The following FARP1 variants were observed in gnomAD, a reference collection of about 807,000 sequenced individuals.
The protein encoded by FARP1 is FERM, ARH/RhoGEF and pleckstrin domain protein 1.
FARP1 carries 52 observed loss-of-function variants against 128.8 expected under a neutral mutation model. The observed-to-expected ratio is 0.40, with a 90% CI of 0.32 to 0.51. FARP1 has a LOEUF of 0.51. Among genes scored for constraint, FARP1 ranks in the 20% least tolerant of loss-of-function variants. The probability of loss-of-function intolerance (pLI) is 0.45; values close to 1 mark genes in which losing one functional copy is unlikely to be tolerated. For synonymous variants in FARP1, 580 were observed against 551.8 expected (o/e 1.05, Z -0.72); for missense variants, 1,333 against 1,367.9 (o/e 0.97, Z 0.40).
At chr13:98,438,740 A>C (rs1329412550) in intron 19 of FARP1, 64 bp from the exon 20 acceptor site, 3 of 1,367,428 alleles carry the variant, frequency 2.2e-6, no homozygotes, top group Non-Finnish European at 3.1e-6. Context: ...GGGTCTGCAC[A>C]CTGGCCGTCA....
chr13:98,251,028 T>C (rs1364480381), intron 2 of FARP1, among the ~76,000 whole-genome samples: 1 of 152,216 alleles, frequency 6.6e-6, no homozygotes, highest in Non-Finnish European at 1.5e-5. Context: ...AGGGACTTCA[T>C]AGATGTTTAT....
At chr13:98,326,658 G>T (rs901506206) in intron 2 of FARP1, among the ~76,000 whole-genome samples, 3 of 152,190 alleles carry the variant, frequency 2.0e-5, no homozygotes, top group Non-Finnish European at 4.4e-5. Context: ...AGAGTACCTG[G>T]TACGTGCCCA....
chr13:98,319,962 A>C (rs1286724205), intron 2 of FARP1, among the ~76,000 whole-genome samples: 3 of 152,214 alleles, frequency 2.0e-5, no homozygotes, highest in Non-Finnish European at 4.4e-5. Context: ...GAGGTAACTT[A>C]AGCAGAAAAA....
intron 5 of FARP1, 113 bp from the exon 6 acceptor site, chr13:98,377,708 C>A: frequency 1.4e-6 from 1 of 713,006 alleles, no homozygotes; most frequent in Non-Finnish European, 2.5e-6. Context: ...CCAGCCCATG[C>A]AGACTTCGTG....
chr13:98,441,082 G>C (rs1892504264), intron 24 of FARP1, among the ~76,000 whole-genome samples: 1 of 152,218 alleles, frequency 6.6e-6, no homozygotes, highest in African/African-American at 2.4e-5. Flanking sequence ...GTGCTCATCA[G>C]TCCTATTGCC....
At chr13:98,448,118 T>G in intron 26 of FARP1, 118 bp from the exon 27 acceptor site, 1 of 805,406 alleles carries the variant, frequency 1.2e-6, no homozygotes, top group Non-Finnish European at 2.1e-6. Flanking sequence ...TCTGCTGAAG[T>G]GGCAGATTAC....
intron 1 of FARP1, among the ~76,000 whole-genome samples, chr13:98,144,067 TTTTTTTA>T (rs148955796): frequency 6.6e-6 from 1 of 151,704 alleles, no homozygotes; most frequent in African/African-American, 2.4e-5. Context: ...AGGGCAAAGT[TTTTTTTA>T]TTTTTTATTT....
intron 1 of FARP1, among the ~76,000 whole-genome samples, chr13:98,166,978 C>T (rs1005277242): frequency 9.2e-5 from 14 of 152,174 alleles, no homozygotes; most frequent in African/African-American, 2.7e-4. Flanking sequence ...CTGCCTGCCT[C>T]GGCCTCCCAA....
At chr13:98,266,878 G>A (rs985218220) in intron 2 of FARP1, among the ~76,000 whole-genome samples, 1 of 152,002 alleles carries the variant, frequency 6.6e-6, no homozygotes, top group Non-Finnish European at 1.5e-5. Context: ...GCCGGGTGCG[G>A]TGGTGCACGT....
intron 3 of FARP1, among the ~76,000 whole-genome samples, chr13:98,344,630 C>T (rs1888104424): frequency 6.6e-6 from 1 of 152,150 alleles, no homozygotes; most frequent in Admixed American, 6.6e-5. Flanking sequence ...TCTGTCGAAG[C>T]TCTGAAACGG....
At chr13:98,204,376 A>G (rs1295566747) in intron 1 of FARP1, among the ~76,000 whole-genome samples, 1 of 152,182 alleles carries the variant, frequency 6.6e-6, no homozygotes, top group African/African-American at 2.4e-5. Context: ...TCCTATTATC[A>G]GTTTTAAAAC....
intron 1 of FARP1, among the ~76,000 whole-genome samples, chr13:98,145,664 C>T (rs567167650): frequency 1.3e-5 from 2 of 152,146 alleles, no homozygotes; most frequent in African/African-American, 4.8e-5. Context: ...ATCAGGATTT[C>T]CCAGCCTGGC....
intron 2 of FARP1, among the ~76,000 whole-genome samples, chr13:98,218,322 A>G (rs1881212603): frequency 6.6e-6 from 1 of 152,064 alleles, no homozygotes; most frequent in Non-Finnish European, 1.5e-5. Context: ...ACCTTGAATC[A>G]TGGTCTCTAA....
chr13:98,215,077 G>C (rs965835637), intron 2 of FARP1, among the ~76,000 whole-genome samples: 1 of 152,188 alleles, frequency 6.6e-6, no homozygotes, highest in Admixed American at 6.5e-5. Context: ...TCCAGGGATC[G>C]TTGGACTGTG....
chr13:98,326,320 C>T (rs1197613272), intron 2 of FARP1, among the ~76,000 whole-genome samples: 1 of 152,090 alleles, frequency 6.6e-6, no homozygotes, highest in African/African-American at 2.4e-5. Flanking sequence ...TTAAAAAAAC[C>T]CACCTACATA....
At chr13:98,328,773 G>A (rs1206150908) in intron 2 of FARP1, 1 of 152,232 alleles carries the variant, frequency 6.6e-6, no homozygotes, top group Non-Finnish European at 1.5e-5. Flanking sequence ...GCTCACCGAG[G>A]TGGCCCTTGA....
intron 2 of FARP1, among the ~76,000 whole-genome samples, chr13:98,341,975 A>G (rs1165204561): frequency 6.6e-6 from 1 of 152,252 alleles, no homozygotes; most frequent in Non-Finnish European, 1.5e-5. Context: ...AACTGGGGAC[A>G]TAGACACATA....
intron 1 of FARP1, among the ~76,000 whole-genome samples, chr13:98,149,286 T>C (rs1025977361): frequency 6.6e-6 from 1 of 152,184 alleles, no homozygotes; most frequent in African/African-American, 2.4e-5. Flanking sequence ...TCCCATCCTC[T>C]TTATTAGTTT....
chr13:98,388,552 G>A (rs969971178), intron 9 of FARP1, 74 bp downstream of exon 9: 1 of 1,105,978 alleles, frequency 9.0e-7, no homozygotes, highest in African/African-American at 1.5e-5. Context: ...GTGGAGGTCT[G>A]CTTGGCAGGG....
Sources: gnomAD v4.1 joint callset for allele counts (sites outside exome capture counted in the v4.1 genomes callset) on GRCh38, gnomAD v4.1.1 for gene constraint, MANE v1.5 for transcripts, NCBI Gene and HGNC (gene_info 2026-07-23, HGNC 2026-07-21) for gene names.